The following ZFHX2 variants were observed in gnomAD, a reference collection of about 807,000 sequenced individuals.
The protein encoded by ZFHX2 is zinc finger homeobox protein 2.
In ZFHX2, 75 loss-of-function variants were observed where a neutral mutation model predicts 164.8. The ratio of observed to expected loss-of-function variants is 0.46; its 90% CI spans 0.38 to 0.55. ZFHX2 has a LOEUF of 0.55. Ranked by LOEUF, ZFHX2 falls within the 20% of genes least tolerant of loss-of-function variation. The probability of loss-of-function intolerance (pLI) is 0.00; values close to 1 mark genes in which losing one functional copy is unlikely to be tolerated. For synonymous variants in ZFHX2, 1,217 were observed against 1,351.4 expected (o/e 0.90, Z 2.18); for missense variants, 2,933 against 3,308.0 (o/e 0.89, Z 2.78).
intron 1 of ZFHX2, among the ~76,000 whole-genome samples, chr14:23,539,112 C>A (rs1053973426): frequency 2.6e-4 from 39 of 152,140 alleles, no homozygotes; most frequent in Admixed American, 2.5e-3. Context: ...GCCCCTTCAG[C>A]CTATCCTCCT....
chr14:23,532,966 G>A lies in ZFHX2; in HGVS notation c.2160C>T (p.Arg720=). Residue 720 remains arginine, a synonymous_variant, in exon 3 of 10, where the codon CGC becomes CGT. Coordinates refer to ENST00000419474, the MANE Select transcript of ZFHX2 (RefSeq NM_033400.3). ...TGCTGAAGGCCTGGCACACTAGGCA[G>A]CGGAACACCTTCAGGGACAGGCTGT... ...PDDSLSLKVF[R]CLVCQAFSTD... is the part of the protein sequence containing the mutation. The A allele has an allele frequency of 2.0e-6, 3 of 1,536,234 alleles. No individual in the cohort carries two copies. The highest frequency in any genetic ancestry group is 2.6e-6 in the Non-Finnish European group (3 of 1,146,926).
At chr14:23,555,210 G>A (rs960847063), upstream of ZFHX2, among the ~76,000 whole-genome samples, 1 of 152,118 alleles carries the variant, frequency 6.6e-6, no homozygotes, top group Non-Finnish European at 1.5e-5. Context: ...TGTTGGCCAG[G>A]CTGGTCTCGA....
chr14:23,553,335 C>T (rs1345053505), upstream of ZFHX2, among the ~76,000 whole-genome samples: 1 of 151,838 alleles, frequency 6.6e-6, no homozygotes, highest in Non-Finnish European at 1.5e-5. Context: ...CATGGTGGCT[C>T]ACTCCTGTAA....
At chr14:23,545,384 C>A (rs1881285512) in intron 1 of ZFHX2, among the ~76,000 whole-genome samples, 2 of 152,218 alleles carry the variant, frequency 1.3e-5, no homozygotes, top group South Asian at 4.1e-4. Context: ...AGGGGTCAGG[C>A]TTCCTGTTTG....
chr14:23,536,532 CAAAT>C (rs1370237748), intron 1 of ZFHX2, among the ~76,000 whole-genome samples: 1 of 152,124 alleles, frequency 6.6e-6, no homozygotes, highest in Non-Finnish European at 1.5e-5. Context: ...AAAGAGGTAA[CAAAT>C]AATAAGTAAT....
In ZFHX2 at chr14:23,530,162, G is replaced by T; in HGVS notation, c.2833C>A (p.Pro945Thr). The T allele has an allele frequency of 2.0e-6, 3 of 1,536,096 alleles. No individual in the cohort carries two copies. The highest frequency in any genetic ancestry group is 2.6e-6 in the Non-Finnish European group (3 of 1,146,878). Reference sequence around the variant, plus strand: ...TTCTGGGCATCTTTCTCAGGGGTGGGTGGCTCAGCTAAGGGGGTGACAGGA... The same window carrying T: ...TTCTGGGCATCTTTCTCAGGGGTGGTTGGCTCAGCTAAGGGGGTGACAGGA... ...KAPVTPLAEP[P>T]TPEKDAQNKT... is the part of the protein sequence containing the mutation. Residue 945 changes from proline (P) to threonine (T), a missense_variant, in exon 5 of 10, where the codon CCC becomes ACC. Physicochemically the swap from Pro to Thr is conservative, Grantham distance 38. Transcript: ENST00000419474.
rs771452520 is a variant in ZFHX2 at position 23,522,345 on chromosome 14, C to T, written c.7336G>A (p.Asp2446Asn). 36 of 1,535,282 alleles carry T rather than the reference C, an allele frequency of 2.3e-5. No homozygotes were observed. The highest frequency in any genetic ancestry group is 2.9e-5 in the Non-Finnish European group (33 of 1,146,484). The stretch of plus-strand genomic sequence containing the variant: ...CGGCACAGGTAGCGATGGGTTACAT[C>T]CACGGTGGAGATGCCAGTGCTGCCT... ...LTGSTGISTV[D>N]VTHRYLCRQC... Residue 2446 changes from aspartate to asparagine, a missense_variant, in exon 10 of 10, where the codon GAT (aspartate) becomes AAT (asparagine). Physicochemically the swap from Asp to Asn is conservative, Grantham distance 23. Transcript: ENST00000419474.
chr14:23,544,317 T>C (rs956219555), intron 1 of ZFHX2: 11 of 150,222 alleles, frequency 7.3e-5, no homozygotes, highest in African/African-American at 2.7e-4. Context: ...GGGGAACTCA[T>C]GGAGTTGAGT....
intron 1 of ZFHX2, among the ~76,000 whole-genome samples, chr14:23,548,903 A>G (rs541403244): frequency 1.2e-4 from 18 of 152,222 alleles, no homozygotes; most frequent in African/African-American, 4.3e-4. Flanking sequence ...TCCTCCTCAC[A>G]CCAGAGGCAT....
In ZFHX2 at chr14:23,522,297, C is replaced by G. The variant is rs747670292; in HGVS notation, c.7384G>C (p.Gly2462Arg). ...TGGTGGGCAGTAGCCGGGGCCTCCCCGTCAAATGCCATCTTGCACTGGCGG... is the reference window on the plus strand; with the variant it reads ...TGGTGGGCAGTAGCCGGGGCCTCCCGGTCAAATGCCATCTTGCACTGGCGG... The part of the protein sequence containing the change: ...LCRQCKMAFD[G>R]EAPATAHQRS... Residue 2462 changes from glycine to arginine, a missense_variant, in exon 10 of 10, where the codon GGG becomes CGG. Gly to Arg is a moderately radical substitution (Grantham distance 125, BLOSUM62 -2). Coordinates refer to ENST00000419474, the MANE Select transcript of ZFHX2 (RefSeq NM_033400.3). The G allele has an allele frequency of 1.3e-6, 2 of 1,509,760 alleles. No individual in the cohort carries two copies. The highest frequency in any genetic ancestry group is 1.8e-6 in the Non-Finnish European group (2 of 1,131,022). The allele number at this position is 1,509,760 out of a possible 1,614,324, so 93.5% of individuals were successfully genotyped here.
Position 23,533,351 on chromosome 14 carries a change from C to T in ZFHX2, c.1975G>A (p.Glu659Lys), listed in dbSNP as rs754675562. Residue 659 changes from glutamate to lysine, a missense_variant, in exon 2 of 10, where the codon GAA becomes AAA. Physicochemically the swap from Glu to Lys is moderately conservative, Grantham distance 56. Coordinates refer to ENST00000419474, the MANE Select transcript of ZFHX2 (RefSeq NM_033400.3). The surrounding 1 kb of genome is among the most constrained non-coding windows in gnomAD (Gnocchi z 4.8). The stretch of plus-strand genomic sequence containing the variant: ...AAACCATTGAGAAGTAGCTGGGCTT[C>T]CAGGGGCTTGTCTGGCCTCAGCCCC... ...GPGLRPDKPL[E>K]AQLLLNGFHH... 157 of 1,440,708 alleles carry T rather than the reference C, an allele frequency of 1.1e-4. No individual in the cohort carries two copies. In the Admixed American group the frequency reaches 1.3e-3, roughly 12 times the overall value. The allele number at this position is 1,440,708 out of a possible 1,614,324, so 89.2% of individuals were successfully genotyped here. A position where few individuals can be genotyped will look rare whatever the true frequency, so the allele number is the denominator to read the frequency against.
At chr14:23,552,999 A>C (rs1281247380), upstream of ZFHX2, among the ~76,000 whole-genome samples, 1 of 152,204 alleles carries the variant, frequency 6.6e-6, no homozygotes, top group Non-Finnish European at 1.5e-5. Context: ...CAATACCTCA[A>C]GCATGAGGTA....
rs1277598579 is a variant in ZFHX2 at position 23,551,656 on chromosome 14, CCTCCTCCTCCTCCTCCTT to C, written c.-381_-364del. ...CTGGGCACTCGCTCGCTCCCTGCCTCCTCCTCCTCCTCCTCCTTCTCCTCCTCGCCCTCCTCCTCCTCC... is the reference window on the plus strand; with the variant it reads ...CTGGGCACTCGCTCGCTCCCTGCCTCCTCCTCCTCGCCCTCCTCCTCCTCC... On this transcript the variant is annotated 5_prime_UTR_variant, in exon 1 of 10. Coordinates refer to ENST00000419474, the MANE Select transcript of ZFHX2 (RefSeq NM_033400.3). The surrounding 1 kb of genome is among the most constrained non-coding windows in gnomAD (Gnocchi z 5.3). The C allele has an allele frequency of 6.5e-6, 1 of 154,256 alleles. No individual in the cohort carries two copies. The highest frequency in any genetic ancestry group is 2.4e-5 in the African/African-American group (1 of 41,218). The allele number at this position is 154,256 out of a possible 1,614,324, so 9.6% of individuals were successfully genotyped here.
chr14:23,534,886 G>A lies in ZFHX2; in HGVS notation c.440C>T (p.Ala147Val), dbSNP rs535401006. The part of the protein sequence containing the change: ...LLPKGFPWGE[A>V]GIKEEPSLPF... Reference sequence around the variant, plus strand: ...CAGACTGGGCTCTTCCTTGATGCCCGCCTCACCCCAGGGGAAGCCCTTTGG... The same window carrying A: ...CAGACTGGGCTCTTCCTTGATGCCCACCTCACCCCAGGGGAAGCCCTTTGG... Residue 147 changes from alanine to valine, a missense_variant, in exon 2 of 10, where the codon GCG becomes GTG. Ala to Val is a moderately conservative substitution (Grantham distance 64). Coordinates refer to ENST00000419474, the MANE Select transcript of ZFHX2 (RefSeq NM_033400.3). The surrounding 1 kb of genome is among the most constrained non-coding windows in gnomAD (Gnocchi z 4.5). The A allele has an allele frequency of 1.2e-3, 1,772 of 1,536,112 alleles. 43 individuals are homozygous for A. The South Asian group carries it at 0.019, about 17-fold the overall frequency.
At position 23,523,934 on chromosome 14, in the gene ZFHX2, G is replaced by C; in HGVS notation, c.6008C>G (p.Pro2003Arg). ...CTCTGGGCCCTCTTCCTCACTGGGTGGAGGGGGAGGTAGGAGAGGTAGAGG... is the reference window on the plus strand; with the variant it reads ...CTCTGGGCCCTCTTCCTCACTGGGTCGAGGGGGAGGTAGGAGAGGTAGAGG... ...EPPLPLLPPP[P>R]PSEEEGPEEP... Residue 2003 changes from proline (P) to arginine (R), a missense_variant, in exon 9 of 10, where the codon CCA becomes CGA. Coordinates refer to ENST00000419474, the MANE Select transcript of ZFHX2 (RefSeq NM_033400.3). This position sits in a 1 kb window ranked among gnomAD's most constrained non-coding sequence, Gnocchi z 4.1. The C allele has an allele frequency of 6.5e-7, 1 of 1,536,188 alleles. No individual in the cohort carries two copies. Among genetic ancestry groups the C allele is most frequent in the South Asian group, 1.2e-5 (1 of 84,050 alleles).
chr14:23,529,857 CT>C, intron 5 of ZFHX2, 89 bp from the exon 6 acceptor site: 1 of 1,348,994 alleles, frequency 7.4e-7, no homozygotes, highest in Non-Finnish European at 1.0e-6. Context: ...GAGTTGGGCA[CT>C]AGAGAAAGGG....
At position 23,525,901 on chromosome 14, in the gene ZFHX2, G is replaced by T. The variant is rs535120453; in HGVS notation, c.4041C>A (p.Pro1347=). ...GCAGTGATTCGGGCACCAGAGGGAA[G>T]GGGGGCAGGACTGGTGGGGTGAAGA... ...APLFTPPVLP[P]FPLVPESLLK... The change falls in exon 9 of 10, where the codon CCC becomes CCA. Residue 1347 remains proline (P), a synonymous_variant. Transcript: ENST00000419474. This position sits in a 1 kb window ranked among gnomAD's most constrained non-coding sequence, Gnocchi z 5.9. 8 of 1,461,562 alleles carry T rather than the reference G, an allele frequency of 5.5e-6. No homozygotes were observed. In the South Asian group the frequency reaches 8.5e-5, roughly 16 times the overall value. 90.5% of individuals were successfully genotyped at this position (1,461,562 alleles called of 1,614,324 possible).
Position 23,523,680 on chromosome 14 carries a change from G to A in ZFHX2, c.6262C>T (p.Arg2088Cys), listed in dbSNP as rs1468035014. ...KIMKACYEAY[R>C]TPTMQECEVL... is the part of the protein sequence containing the mutation. ...TCACACTCCTGCATGGTGGGGGTGC[G>A]GTAAGCTTCATAGCAGGCTTTCATG... The change falls in exon 9 of 10, where the codon CGC (arginine) becomes TGC (cysteine). Residue 2088 changes from arginine (R) to cysteine (C), a missense_variant. By Grantham distance (180) the Arg-to-Cys change is radical. Coordinates refer to ENST00000419474, the MANE Select transcript of ZFHX2 (RefSeq NM_033400.3). The surrounding 1 kb of genome is among the most constrained non-coding windows in gnomAD (Gnocchi z 4.1). 41 of 1,538,834 alleles carry A rather than the reference G, an allele frequency of 2.7e-5. No individual in the cohort carries two copies. The highest frequency in any genetic ancestry group is 3.6e-5 in the South Asian group (3 of 84,280).
intron 1 of ZFHX2, among the ~76,000 whole-genome samples, chr14:23,541,917 C>A (rs1461768048): frequency 6.6e-6 from 1 of 152,166 alleles, no homozygotes; most frequent in Non-Finnish European, 1.5e-5. Flanking sequence ...CTAGACCCTT[C>A]CCCTTTTATA....
Sources: allele counts gnomAD v4.1 joint callset (sites outside exome capture counted in the v4.1 genomes callset), GRCh38; gene constraint gnomAD v4.1.1; non-coding constraint Gnocchi (gnomAD v3.1); transcripts MANE v1.5; gene names NCBI Gene and HGNC (gene_info 2026-07-23, HGNC 2026-07-21).